The following AKAP7 variants were observed in gnomAD, a reference collection of about 807,000 sequenced individuals.
AKAP7 encodes the protein A kinase (PRKA) anchor protein 7.
In AKAP7, 39 loss-of-function variants were observed where a neutral mutation model predicts 39.5. That is an observed-to-expected ratio of 0.99 (90% confidence interval 0.76 to 1.29). The LOEUF (loss-of-function observed/expected upper bound fraction) is 1.29. Among genes scored for constraint, AKAP7 ranks in the 50% most tolerant of loss-of-function variants. AKAP7 has a pLI of 0.00. For synonymous variants in AKAP7, 140 were observed against 139.1 expected, an observed-to-expected ratio of 1.01 and a Z score of -0.05; for missense variants, 414 against 407.7, an observed-to-expected ratio of 1.02 and a Z score of -0.13.
chr6:131,135,512 C>T lies in AKAP7; in HGVS notation c.-252C>T, dbSNP rs1230504802. Among the ~76,000 whole-genome samples, 3 of 150,016 alleles carry T rather than the reference C, an allele frequency of 2.0e-5. No homozygotes were observed. In the East Asian group the frequency reaches 5.9e-4, roughly 29 times the overall value. On this transcript the variant is annotated 5_prime_UTR_variant, in exon 1 of 8. Coordinates refer to ENST00000431975, the MANE Select transcript of AKAP7 (RefSeq NM_016377.4). The stretch of plus-strand genomic sequence containing the variant: ...GCCTGGCATGCGGGTGCTGCGGCTG[C>T]TGCGGCTGCCGCCGCCGCTGCTGCC...
intron 5 of AKAP7, among the ~76,000 whole-genome samples, chr6:131,171,416 T>C (rs753677138): frequency 3.9e-5 from 6 of 152,154 alleles, no homozygotes; most frequent in Non-Finnish European, 8.8e-5. Flanking sequence ...GAGTGTATCC[T>C]GGGTAGAGGG....
intron 2 of AKAP7, among the ~76,000 whole-genome samples, chr6:131,158,347 C>T (rs1424153304): frequency 6.6e-6 from 1 of 152,190 alleles, no homozygotes; most frequent in Non-Finnish European, 1.5e-5. Context: ...GCATTGTGTG[C>T]AGGCAGTTAC....
At chr6:131,163,669 T>G (rs1195017864) in intron 3 of AKAP7, among the ~76,000 whole-genome samples, 1 of 152,204 alleles carries the variant, frequency 6.6e-6, no homozygotes, top group Non-Finnish European at 1.5e-5. Flanking sequence ...AGCAATAGAA[T>G]TGGAAAGTGG....
At chr6:131,242,849 C>T (rs748222571) in intron 7 of AKAP7, among the ~76,000 whole-genome samples, 2 of 152,146 alleles carry the variant, frequency 1.3e-5, no homozygotes, top group Non-Finnish European at 2.9e-5. Context: ...TGGGACATGG[C>T]TGCTTTCTAA....
chr6:131,127,597 T>A, the AKAP7 span, among the ~76,000 whole-genome samples: 1 of 152,280 alleles, frequency 6.6e-6, no homozygotes, highest in Admixed American at 6.5e-5. Context: ...AATTTTCAAA[T>A]TCTGCACATT....
chr6:131,192,612 C>A (rs548296451), intron 5 of AKAP7, among the ~76,000 whole-genome samples: 35 of 152,200 alleles, frequency 2.3e-4, no homozygotes, highest in African/African-American at 8.4e-4. Context: ...TTTTCTATTT[C>A]TGTGAAGAAT....
chr6:131,265,171 G>A (rs1444447268), intron 7 of AKAP7, among the ~76,000 whole-genome samples: 1 of 152,128 alleles, frequency 6.6e-6, no homozygotes, highest in Non-Finnish European at 1.5e-5. Context: ...GTCTTGCTCT[G>A]TTGCCCAGGA....
intron 7 of AKAP7, among the ~76,000 whole-genome samples, chr6:131,241,577 A>ATATATGTATG (rs1349874555): frequency 1.2e-5 from 1 of 81,248 alleles, no homozygotes. Flanking sequence ...GATTATATAT[A>ATATATGTATG]TGTGTGTGTG....
At chr6:131,262,623 A>G (rs1813445502) in intron 7 of AKAP7, among the ~76,000 whole-genome samples, 1 of 152,048 alleles carries the variant, frequency 6.6e-6, no homozygotes, top group Admixed American at 6.6e-5. Flanking sequence ...AAAAAAATAT[A>G]TATATATTGC....
At chr6:131,277,251 T>C (rs1378167138) in intron 7 of AKAP7, among the ~76,000 whole-genome samples, 1 of 152,072 alleles carries the variant, frequency 6.6e-6, no homozygotes, top group Non-Finnish European at 1.5e-5. Context: ...GACTTTTCTT[T>C]TATATTTTTA....
At chr6:131,252,975 T>G in intron 7 of AKAP7, 3 of 1,561,244 alleles carry the variant, frequency 1.9e-6, no homozygotes, top group Non-Finnish European at 1.8e-6. Flanking sequence ...GCCCAAATTA[T>G]GGAGAATTTG....
the AKAP7 span, among the ~76,000 whole-genome samples, chr6:131,128,373 G>A: frequency 6.6e-6 from 1 of 152,138 alleles, no homozygotes. Context: ...GAAAATGAGG[G>A]TTAGTGGGAT....
intron 7 of AKAP7, among the ~76,000 whole-genome samples, chr6:131,220,991 T>A (rs139659818): frequency 3.3e-5 from 5 of 152,174 alleles, no homozygotes; most frequent in Non-Finnish European, 5.9e-5. Context: ...AATGATACAT[T>A]GGAAGGACAT....
chr6:131,165,523 C>CA (rs1219443536), intron 4 of AKAP7, among the ~76,000 whole-genome samples: 3 of 152,154 alleles, frequency 2.0e-5, no homozygotes, highest in Non-Finnish European at 4.4e-5. Context: ...GGAATCATGG[C>CA]AAAACCACCT....
At chr6:131,154,430 C>T (rs968164811) in intron 2 of AKAP7, among the ~76,000 whole-genome samples, 11 of 151,350 alleles carry the variant, frequency 7.3e-5, no homozygotes, top group Admixed American at 6.6e-4. Context: ...GAAGAGACCC[C>T]CTAGAGAGAG....
At chr6:131,220,551 A>G (rs960610811) in intron 7 of AKAP7, among the ~76,000 whole-genome samples, 1 of 152,248 alleles carries the variant, frequency 6.6e-6, no homozygotes, top group Admixed American at 6.5e-5. Flanking sequence ...TTTTAAAGTA[A>G]CATGAAAATA....
At chr6:131,248,675 C>A (rs954735665) in intron 7 of AKAP7, among the ~76,000 whole-genome samples, 7 of 152,104 alleles carry the variant, frequency 4.6e-5, no homozygotes, top group African/African-American at 7.2e-5. Flanking sequence ...TGGGAAGAAC[C>A]ACATTCTGTG....
chr6:131,216,901 A>G (rs1053208034), intron 6 of AKAP7, among the ~76,000 whole-genome samples: 1 of 152,244 alleles, frequency 6.6e-6, no homozygotes, highest in Non-Finnish European at 1.5e-5. Context: ...TGCAACACCC[A>G]TAGCATGATT....
chr6:131,152,647 C>T (rs576288925), intron 2 of AKAP7, among the ~76,000 whole-genome samples: 20 of 149,686 alleles, frequency 1.3e-4, no homozygotes, highest in African/African-American at 4.4e-4. Context: ...GGCCAACATG[C>T]GAAACCCCAT....
Sources: gnomAD v4.1 joint callset for allele counts (sites outside exome capture counted in the v4.1 genomes callset) on GRCh38, gnomAD v4.1.1 for gene constraint, MANE v1.5 for transcripts, NCBI Gene and HGNC (gene_info 2026-07-23, HGNC 2026-07-21) for gene names.